Variants in LRRC4C observed in about 807,000 individuals in gnomAD.
LRRC4C encodes the protein leucine-rich repeat-containing protein 4C.
LRRC4C carries 5 observed loss-of-function variants against 33.6 expected under a neutral mutation model. That is an observed-to-expected ratio of 0.15 (90% confidence interval 0.08 to 0.31). The LOEUF (loss-of-function observed/expected upper bound fraction) is 0.31. Ranked by LOEUF, LRRC4C falls within the 10% of genes least tolerant of loss-of-function variation. LRRC4C has a pLI of 1.00. For synonymous variants in LRRC4C, 329 were observed against 302.0 expected, an observed-to-expected ratio of 1.09 and a Z score of -0.93; for missense variants, 560 against 796.7, an observed-to-expected ratio of 0.70 and a Z score of 3.58.
chr11:41,307,870 C>T (rs1950546022), intron 1 of LRRC4C, among the ~76,000 whole-genome samples: 1 of 152,250 alleles, frequency 6.6e-6, no homozygotes, highest in East Asian at 1.9e-4. Context: ...TGAAGTGAAA[C>T]TATGAAGATT....
intron 2 of LRRC4C, among the ~76,000 whole-genome samples, chr11:40,797,952 A>G (rs1380646228): frequency 6.6e-6 from 1 of 152,188 alleles, no homozygotes; most frequent in African/African-American, 2.4e-5. Context: ...GTAGGAGTAA[A>G]CTCAGATTTG....
chr11:40,434,506 A>G (rs949215905), intron 3 of LRRC4C, among the ~76,000 whole-genome samples: 1 of 152,370 alleles, frequency 6.6e-6, no homozygotes, highest in South Asian at 2.1e-4. Flanking sequence ...GCAAGTAGAA[A>G]GGCCTGGACA....
At chr11:41,154,140 T>C (rs995887962) in intron 1 of LRRC4C, among the ~76,000 whole-genome samples, 9 of 152,196 alleles carry the variant, frequency 5.9e-5, no homozygotes, top group African/African-American at 1.9e-4. Context: ...AAGTTTGTGG[T>C]AATTTTGCTA....
At chr11:40,381,336 CCA>C (rs1948858800) in intron 3 of LRRC4C, among the ~76,000 whole-genome samples, 2 of 151,808 alleles carry the variant, frequency 1.3e-5, no homozygotes, top group Admixed American at 1.3e-4. Flanking sequence ...TGGCCATTAA[CCA>C]ACTGGATCTG....
At chr11:40,473,261 A>G (rs1953034548) in intron 3 of LRRC4C, among the ~76,000 whole-genome samples, 1 of 152,216 alleles carries the variant, frequency 6.6e-6, no homozygotes, top group African/African-American at 2.4e-5. Flanking sequence ...ACTACGATCA[A>G]GGCACCGTCA....
At chr11:40,957,241 G>GA (rs1483238066) in intron 1 of LRRC4C, among the ~76,000 whole-genome samples, 1 of 151,748 alleles carries the variant, frequency 6.6e-6, no homozygotes, top group Non-Finnish European at 1.5e-5. Flanking sequence ...GTAGGAGCTA[G>GA]AAAAGGACTA....
At chr11:41,437,776 G>A (rs1161806383) in intron 1 of LRRC4C, among the ~76,000 whole-genome samples, 1 of 152,152 alleles carries the variant, frequency 6.6e-6, no homozygotes, top group Non-Finnish European at 1.5e-5. Context: ...CCTGGCTTAC[G>A]CCTGTAATCC....
chr11:40,817,751 G>C (rs976351172), intron 2 of LRRC4C, among the ~76,000 whole-genome samples: 10 of 152,092 alleles, frequency 6.6e-5, no homozygotes, highest in Non-Finnish European at 1.5e-4. Context: ...CATGCTGGCT[G>C]ACTCCTCAAA....
chr11:41,137,894 C>A (rs1943333589), intron 1 of LRRC4C, among the ~76,000 whole-genome samples: 1 of 152,174 alleles, frequency 6.6e-6, no homozygotes, highest in Non-Finnish European at 1.5e-5. Context: ...AAAGATCTGG[C>A]TTTTGGACCC....
intron 3 of LRRC4C, among the ~76,000 whole-genome samples, chr11:40,361,214 C>T (rs1947932937): frequency 1.3e-5 from 2 of 152,134 alleles, no homozygotes; most frequent in Admixed American, 6.5e-5. Context: ...CTCACCACTC[C>T]TATTTAACAT....
intron 3 of LRRC4C, among the ~76,000 whole-genome samples, chr11:40,431,496 G>C (rs1395365720): frequency 6.6e-6 from 1 of 151,584 alleles, no homozygotes; most frequent in Admixed American, 6.6e-5. Context: ...GCTTAGTATA[G>C]CGTTTTTCCT....
At chr11:40,715,807 G>C (rs931786823) in intron 2 of LRRC4C, among the ~76,000 whole-genome samples, 1 of 152,138 alleles carries the variant, frequency 6.6e-6, no homozygotes, top group African/African-American at 2.4e-5. Context: ...GGCGGATCGC[G>C]TGAGGTCAGG....
intron 1 of LRRC4C, among the ~76,000 whole-genome samples, chr11:41,295,013 C>T (rs546933492): frequency 7.2e-5 from 11 of 152,248 alleles, no homozygotes; most frequent in South Asian, 4.1e-4. Flanking sequence ...CACTTACACA[C>T]GGTTGTTATT....
At chr11:41,137,050 C>A in intron 1 of LRRC4C, among the ~76,000 whole-genome samples, 1 of 152,044 alleles carries the variant, frequency 6.6e-6, no homozygotes, top group Non-Finnish European at 1.5e-5. Flanking sequence ...GAGTTACAGA[C>A]CAGCCTGGCC....
At chr11:41,039,231 C>G (rs1345968730) in intron 1 of LRRC4C, among the ~76,000 whole-genome samples, 8 of 152,132 alleles carry the variant, frequency 5.3e-5, no homozygotes, top group Non-Finnish European at 1.0e-4. Context: ...AGAAATTCAG[C>G]AAACCTTCAG....
chr11:41,425,227 T>C lies in LRRC4C; in HGVS notation c.-496+34204A>G, dbSNP rs370018460. Among the ~76,000 whole-genome samples, 46 of 152,202 alleles carry C rather than the reference T, an allele frequency of 3.0e-4. No homozygotes were observed. The East Asian group carries it at 6.4e-3, about 21-fold the overall frequency. On this transcript the variant is annotated intron_variant, in intron 1 of 6. Coordinates refer to ENST00000528697, the MANE Select transcript of LRRC4C (RefSeq NM_001258419.2). ...TCTCCTGATATGACATAAGGCTGTC[T>C]GTAAATACCAGAAAGACTGATTTAG...
chr11:40,996,855 T>C (rs1382493677), intron 1 of LRRC4C, among the ~76,000 whole-genome samples: 1 of 152,104 alleles, frequency 6.6e-6, no homozygotes, highest in Non-Finnish European at 1.5e-5. Flanking sequence ...CACTAATTAC[T>C]GTGAGTACAG....
intron 2 of LRRC4C, among the ~76,000 whole-genome samples, chr11:40,725,684 G>T (rs1947257373): frequency 6.6e-6 from 1 of 152,116 alleles, no homozygotes; most frequent in African/African-American, 2.4e-5. Context: ...AATGCATAAA[G>T]AAACATGTTA....
chr11:40,844,852 CCACA>C (rs1302484869), intron 2 of LRRC4C, among the ~76,000 whole-genome samples: 1 of 152,066 alleles, frequency 6.6e-6, no homozygotes, highest in African/African-American at 2.4e-5. Context: ...AGTGTTCTTA[CCACA>C]CACAAAAAAT....
Sources: gnomAD v4.1 joint callset for allele counts (sites outside exome capture counted in the v4.1 genomes callset) on GRCh38, gnomAD v4.1.1 for gene constraint, MANE v1.5 for transcripts, NCBI Gene and HGNC (gene_info 2026-07-23, HGNC 2026-07-21) for gene names.